Variants in MFSD11 observed in about 807,000 individuals in gnomAD.
MFSD11 encodes UNC93-like protein MFSD11.
Under a neutral mutation model 53.5 loss-of-function variants are expected in MFSD11, and 36 were observed. The ratio of observed to expected loss-of-function variants is 0.67; its 90% confidence interval spans 0.52 to 0.89. The LOEUF (loss-of-function observed/expected upper bound fraction) is 0.89, where lower values mean the gene tolerates loss of function less well. Ranked by LOEUF, MFSD11 falls within the 40% of genes least tolerant of loss-of-function variation. The pLI is 0.00. For synonymous variants in MFSD11, 186 were observed against 184.9 expected, an observed-to-expected ratio of 1.01 and a Z score of -0.05; for missense variants, 530 against 543.9, an observed-to-expected ratio of 0.97 and a Z score of 0.25.
chr17:76,746,289 T>A (rs1056013061), intron 7 of MFSD11, among the ~76,000 whole-genome samples: 4 of 152,186 alleles, frequency 2.6e-5, no homozygotes, highest in African/African-American at 7.2e-5. Flanking sequence ...AAGAAAAATT[T>A]GAAGCTAGCA....
chr17:76,762,783 T>TAGAAAGCA (rs2080407616), intron 8 of MFSD11, among the ~76,000 whole-genome samples: 1 of 151,266 alleles, frequency 6.6e-6, no homozygotes, highest in Non-Finnish European at 1.5e-5. Flanking sequence ...ACTTCCCGAG[T>TAGAAAGCA]AGAAAGCAAT....
At chr17:76,783,969 A>G (rs1392123947), downstream of MFSD11, among the ~76,000 whole-genome samples, 1 of 152,048 alleles carries the variant, frequency 6.6e-6, no homozygotes, top group African/African-American at 2.4e-5. Context: ...GAAAAAAAAA[A>G]AAAGAAAAAA....
chr17:76,760,051 T>C (rs2080059703), intron 8 of MFSD11, among the ~76,000 whole-genome samples: 2 of 151,544 alleles, frequency 1.3e-5, no homozygotes, highest in Non-Finnish European at 2.9e-5. Flanking sequence ...GCAGATCACC[T>C]AAGGTCAGGA....
the MFSD11 span, among the ~76,000 whole-genome samples, chr17:76,796,618 C>A: frequency 6.6e-6 from 1 of 152,030 alleles, no homozygotes; most frequent in Non-Finnish European, 1.5e-5. Flanking sequence ...CACAAGACTA[C>A]CATTACCAGA....
upstream of MFSD11, chr17:76,736,828 C>T: frequency 1.0e-5 from 16 of 1,600,374 alleles, no homozygotes; most frequent in Non-Finnish European, 1.4e-5. Context: ...AGCCACCGCC[C>T]CCGTACCTGC....
chr17:76,755,362 T>G (rs189825891), intron 8 of MFSD11, among the ~76,000 whole-genome samples: 32 of 152,340 alleles, frequency 2.1e-4, no homozygotes, highest in Admixed American at 2.0e-3. Context: ...CTTCTTTGTC[T>G]TCTCAGGAGA....
intron 8 of MFSD11, among the ~76,000 whole-genome samples, chr17:76,762,836 G>A (rs371453963): frequency 6.6e-6 from 1 of 151,664 alleles, no homozygotes. Context: ...AGGACCACAA[G>A]AGTAAACAAG....
chr17:76,802,328 T>A, the MFSD11 span, among the ~76,000 whole-genome samples: 1 of 152,244 alleles, frequency 6.6e-6, no homozygotes, highest in Admixed American at 6.6e-5. Flanking sequence ...CAAGTATTGA[T>A]GAAGATTTGG....
the MFSD11 span, among the ~76,000 whole-genome samples, chr17:76,787,577 T>A: frequency 6.7e-6 from 1 of 150,118 alleles, no homozygotes; most frequent in Non-Finnish European, 1.5e-5. Context: ...TCCAAGAAAA[T>A]GAAAGGCTTG....
At chr17:76,749,558 A>C (rs1409484751) in intron 7 of MFSD11, among the ~76,000 whole-genome samples, 1 of 151,314 alleles carries the variant, frequency 6.6e-6, no homozygotes, top group Admixed American at 6.6e-5. Flanking sequence ...AGAAGGAACA[A>C]TGTATGCTGT....
At chr17:76,754,769 C>T (rs1179074342) in intron 8 of MFSD11, among the ~76,000 whole-genome samples, 1 of 151,254 alleles carries the variant, frequency 6.6e-6, no homozygotes, top group African/African-American at 2.4e-5. Context: ...TAAGAATAAT[C>T]ATGTTCATGC....
intron 5 of MFSD11, among the ~76,000 whole-genome samples, chr17:76,742,902 TA>T (rs2078226386): frequency 6.6e-6 from 1 of 152,212 alleles, no homozygotes; most frequent in African/African-American, 2.4e-5. Flanking sequence ...GAATCGCGCC[TA>T]AAATTTTGGC....
At chr17:76,740,173 CAAA>C (rs11289503) in intron 2 of MFSD11, among the ~76,000 whole-genome samples, 6 of 76,644 alleles carry the variant, frequency 7.8e-5, no homozygotes, top group Admixed American at 1.4e-4. Flanking sequence ...GGCTCCGTCT[CAAA>C]AAAAAAAAAA....
chr17:76,742,332 T>G lies in MFSD11; in HGVS notation c.437+59T>G, dbSNP rs1309142939. The G allele has an allele frequency of 2.9e-5, 41 of 1,404,760 alleles. 1 individual carries two copies. The highest frequency in any genetic ancestry group is 3.5e-4 in the Middle Eastern group (2 of 5,648). The allele number at this position is 1,404,760 out of a possible 1,614,324, so 87.0% of individuals were successfully genotyped here. Reference sequence around the variant, plus strand: ...TCTTTCTTTTTTTTCTGTCATACCATTTTTTAGGTCTTTGGTTGACAATTT... The same window carrying G: ...TCTTTCTTTTTTTTCTGTCATACCAGTTTTTAGGTCTTTGGTTGACAATTT... On this transcript the variant is annotated intron_variant, in intron 5 of 12. Transcript: ENST00000685175.
Position 76,776,126 on chromosome 17 carries a change from G to T in MFSD11, c.1050-280G>T, listed in dbSNP as rs1485480935. Among the ~76,000 whole-genome samples, 1 of 152,010 alleles carries T rather than the reference G, an allele frequency of 6.6e-6. No individual in the cohort carries two copies. Among genetic ancestry groups the T allele is most frequent in the African/African-American group, 2.4e-5 (1 of 41,380 alleles). Reference sequence around the variant, plus strand: ...CCCGAGTAGCTGGGATTACAGGCACGCGCCACTATGCCCAGCTAATTTTTA... The same window carrying T: ...CCCGAGTAGCTGGGATTACAGGCACTCGCCACTATGCCCAGCTAATTTTTA... On this transcript the variant is annotated intron_variant, in intron 11 of 12. Transcript: ENST00000685175. The surrounding 1 kb of genome is among the most constrained non-coding windows in gnomAD (Gnocchi z 4.2).
upstream of MFSD11, chr17:76,737,038 G>A: frequency 6.2e-7 from 1 of 1,613,324 alleles, no homozygotes; most frequent in African/African-American, 1.3e-5. Flanking sequence ...TGTACACGTC[G>A]CCGACGCGCC....
At chr17:76,796,061 T>C in the MFSD11 span, among the ~76,000 whole-genome samples, 9,585 of 152,166 alleles carry the variant, frequency 0.063, 1,016 homozygotes, top group African/African-American at 0.21. Flanking sequence ...ACTTCAAGAC[T>C]CTAAAACCAT....
intron 8 of MFSD11, among the ~76,000 whole-genome samples, chr17:76,764,685 A>G (rs1292131398): frequency 6.7e-6 from 1 of 149,246 alleles, no homozygotes; most frequent in Non-Finnish European, 1.5e-5. Context: ...TATATAATTA[A>G]TACACACACA....
At chr17:76,741,511 C>T (rs112845981) in intron 3 of MFSD11, among the ~76,000 whole-genome samples, 4 of 152,302 alleles carry the variant, frequency 2.6e-5, no homozygotes, top group African/African-American at 9.6e-5. Context: ...CAGTGGCTCA[C>T]ACCTGTAAAT....
Sources: gnomAD v4.1 joint callset for allele counts (sites outside exome capture counted in the v4.1 genomes callset) on GRCh38, gnomAD v4.1.1 for gene constraint, Gnocchi (gnomAD v3.1) non-coding constraint, MANE v1.5 for transcripts, NCBI Gene and HGNC (gene_info 2026-07-23, HGNC 2026-07-21) for gene names.